OLFM3: variants seen among roughly 807,000 people sequenced by gnomAD.
OLFM3 encodes the protein noelin-3.
A neutral mutation model predicts 48.6 loss-of-function variants in OLFM3; 20 were observed. That is an observed-to-expected ratio of 0.41 (90% confidence interval 0.29 to 0.60). The LOEUF is 0.60. Ranked by LOEUF, OLFM3 falls within the 20% of genes least tolerant of loss-of-function variation. The pLI, the probability that OLFM3 is intolerant of heterozygous loss-of-function variation, is 0.28. For synonymous variants in OLFM3, 222 were observed against 198.1 expected (o/e 1.12, Z -1.01); for missense variants, 437 against 544.3 (o/e 0.80, Z 1.96).
intron 1 of OLFM3, among the ~76,000 whole-genome samples, chr1:101,944,351 AGAG>A (rs1228517452): frequency 6.6e-6 from 1 of 152,166 alleles, no homozygotes; most frequent in Non-Finnish European, 1.5e-5. Context: ...ATAATAATCC[AGAG>A]GAGGGATGCA....
intron 1 of OLFM3, among the ~76,000 whole-genome samples, chr1:101,881,647 C>A (rs1261493811): frequency 6.6e-6 from 1 of 151,788 alleles, no homozygotes; most frequent in Non-Finnish European, 1.5e-5. Flanking sequence ...ATATTTCCTT[C>A]TTTTGGAAAA....
At chr1:101,989,089 T>C (rs1224108513) in intron 1 of OLFM3, among the ~76,000 whole-genome samples, 1 of 152,042 alleles carries the variant, frequency 6.6e-6, no homozygotes, top group Admixed American at 6.5e-5. Flanking sequence ...CAGGGAAGAA[T>C]TTGTGGAAAA....
intron 1 of OLFM3, among the ~76,000 whole-genome samples, chr1:101,938,789 C>T (rs1291037702): frequency 2.0e-5 from 3 of 152,174 alleles, no homozygotes; most frequent in African/African-American, 7.2e-5. Context: ...ACAAGTCCCC[C>T]CGAGGCCTGG....
Position 101,804,849 on chromosome 1 carries a change from C to G in OLFM3, c.766G>C (p.Val256Leu). 1 of 1,612,356 alleles carries G rather than the reference C, an allele frequency of 6.2e-7. No homozygotes were observed. Residue 256 changes from valine to leucine, a missense_variant, in exon 6 of 6, where the codon GTC becomes CTC. Val to Leu is a conservative substitution (Grantham distance 32). This residue lies in a region of OLFM3 where 314 missense variants were observed against 365.5 expected (regional missense o/e 0.86). Coordinates refer to ENST00000370103, the MANE Select transcript of OLFM3 (RefSeq NM_058170.4). This position sits in a 1 kb window ranked among gnomAD's most constrained non-coding sequence, Gnocchi z 4.5. ...VREYKSIADF[V>L]SGAESRTYNL... ...TATGTCCTTGATTCAGCCCCACTGA[C>G]AAAGTCTGCAATTGATTTGTATTCA... is the stretch of plus-strand genomic sequence containing the variant.
chr1:101,827,483 C>A (rs1654918753), intron 3 of OLFM3, among the ~76,000 whole-genome samples: 1 of 152,086 alleles, frequency 6.6e-6, no homozygotes, highest in East Asian at 1.9e-4. Context: ...CCACACGCAG[C>A]TAAGTTTTTG....
At chr1:101,831,854 G>T (rs547874974) in intron 2 of OLFM3, among the ~76,000 whole-genome samples, 5 of 152,196 alleles carry the variant, frequency 3.3e-5, no homozygotes, top group Non-Finnish European at 7.3e-5. Flanking sequence ...AATGAGAAAA[G>T]CAAATGTAAA....
chr1:101,918,794 A>G (rs1266138519), intron 1 of OLFM3, among the ~76,000 whole-genome samples: 1 of 152,146 alleles, frequency 6.6e-6, no homozygotes, highest in Non-Finnish European at 1.5e-5. Context: ...TGAAGCCATA[A>G]ATACCTTACA....
At chr1:101,882,175 A>G (rs1325758385) in intron 1 of OLFM3, among the ~76,000 whole-genome samples, 1 of 151,364 alleles carries the variant, frequency 6.6e-6, no homozygotes, top group Non-Finnish European at 1.5e-5. Context: ...CGACATTAAA[A>G]TGAAGATTAA....
intron 4 of OLFM3, among the ~76,000 whole-genome samples, chr1:101,812,050 C>A (rs1025372379): frequency 6.6e-6 from 1 of 152,044 alleles, no homozygotes; most frequent in African/African-American, 2.4e-5. Context: ...ATGGATGAAG[C>A]TGGAAACCAT....
chr1:101,839,082 T>A (rs962673249), intron 1 of OLFM3, among the ~76,000 whole-genome samples: 4 of 152,220 alleles, frequency 2.6e-5, no homozygotes, highest in African/African-American at 9.6e-5. Context: ...TACCAAGTCA[T>A]CATCCTTGAT....
intron 1 of OLFM3, among the ~76,000 whole-genome samples, chr1:101,895,313 G>A (rs1255247145): frequency 6.6e-6 from 1 of 151,794 alleles, no homozygotes; most frequent in Non-Finnish European, 1.5e-5. Flanking sequence ...TGTTGCTAGA[G>A]ATAAGTTATG....
Position 101,959,814 on chromosome 1 carries a change from A to G in OLFM3, c.69+36934T>C, listed in dbSNP as rs566416669. Among the ~76,000 whole-genome samples, 3 of 152,312 alleles carry G rather than the reference A, an allele frequency of 2.0e-5. 1 individual carries two copies. The highest frequency in any genetic ancestry group is 4.1e-4 in the South Asian group (2 of 4,832). ...TTAACTGCAGGTTGCTGATATGTCAACCAAACTCACAAGAAAGTGGCATAC... is the reference window on the plus strand; with the variant it reads ...TTAACTGCAGGTTGCTGATATGTCAGCCAAACTCACAAGAAAGTGGCATAC... On this transcript the variant is annotated intron_variant, in intron 1 of 5. Coordinates refer to ENST00000370103, the MANE Select transcript of OLFM3 (RefSeq NM_058170.4).
chr1:101,885,251 C>A (rs1421538283), intron 1 of OLFM3, among the ~76,000 whole-genome samples: 3 of 151,922 alleles, frequency 2.0e-5, no homozygotes, highest in Non-Finnish European at 4.4e-5. Flanking sequence ...GACACCACAC[C>A]ACAAGAATTA....
At chr1:101,916,020 C>G (rs149171445) in intron 1 of OLFM3, among the ~76,000 whole-genome samples, 1 of 152,044 alleles carries the variant, frequency 6.6e-6, no homozygotes. Context: ...GAAATTGACA[C>G]AAAAAGACCG....
intron 1 of OLFM3, among the ~76,000 whole-genome samples, chr1:101,885,701 T>C (rs1657725543): frequency 1.3e-5 from 2 of 152,124 alleles, no homozygotes; most frequent in South Asian, 4.1e-4. Flanking sequence ...AATAACATTT[T>C]CTTTTCTCCA....
intron 1 of OLFM3, among the ~76,000 whole-genome samples, chr1:101,956,463 G>A (rs1660300816): frequency 6.6e-6 from 1 of 151,540 alleles, no homozygotes; most frequent in South Asian, 2.1e-4. Flanking sequence ...TTTCTTGCTG[G>A]TAATACTCCA....
chr1:101,804,201 C>T lies in OLFM3; in HGVS notation c.*37G>A, dbSNP rs146244514. The T allele has an allele frequency of 1.1e-3, 1,599 of 1,460,414 alleles. 18 individuals are homozygous for T. The African/African-American group carries it at 0.02, about 18-fold the overall frequency. 90.5% of individuals were successfully genotyped at this position (1,460,414 alleles called of 1,614,324 possible). ...GGGTCTTATAGAGTTTATCACAAATCACACTGTTTAAATCAATGAAAACAT... is the reference window on the plus strand; with the variant it reads ...GGGTCTTATAGAGTTTATCACAAATTACACTGTTTAAATCAATGAAAACAT... On this transcript the variant is annotated 3_prime_UTR_variant, in exon 6 of 6. Transcript: ENST00000370103. The surrounding 1 kb of genome is among the most constrained non-coding windows in gnomAD (Gnocchi z 4.5).
At chr1:101,850,509 G>T (rs1183880038) in intron 1 of OLFM3, among the ~76,000 whole-genome samples, 2 of 151,936 alleles carry the variant, frequency 1.3e-5, no homozygotes, top group African/African-American at 4.8e-5. Context: ...TAGAACAAAA[G>T]TTAAATGTTG....
intron 1 of OLFM3, among the ~76,000 whole-genome samples, chr1:101,910,730 A>C: frequency 6.6e-6 from 1 of 152,182 alleles, no homozygotes; most frequent in Non-Finnish European, 1.5e-5. Context: ...TCCTATTTAA[A>C]TAATTCTCTT....
Sources: gnomAD v4.1 joint callset for allele counts (sites outside exome capture counted in the v4.1 genomes callset) on GRCh38, gnomAD v4.1.1 for gene constraint, gnomAD v4.1.1 regional missense constraint, Gnocchi (gnomAD v3.1) non-coding constraint, MANE v1.5 for transcripts, NCBI Gene and HGNC (gene_info 2026-07-23, HGNC 2026-07-21) for gene names.